Variants in CCR5AS observed in about 807,000 individuals in gnomAD.
The protein encoded by CCR5AS is CCR5 antisense RNA.
chr3:46,386,457 G>C (rs1701863529), intron 2 of CCR5AS, among the ~76,000 whole-genome samples: 1 of 152,154 alleles, frequency 6.6e-6, no homozygotes, highest in Admixed American at 6.5e-5. Context: ...TCAGAGAAGG[G>C]GCAGGAGGAA....
chr3:46,391,413 G>A (rs902736855), intron 2 of CCR5AS, among the ~76,000 whole-genome samples: 1 of 152,170 alleles, frequency 6.6e-6, no homozygotes, highest in Non-Finnish European at 1.5e-5. Flanking sequence ...TTGAGGGCTG[G>A]AATCTAATTT....
At chr3:46,404,421 ACCT>A (rs1429817657) in intron 1 of CCR5AS, among the ~76,000 whole-genome samples, 1 of 135,864 alleles carries the variant, frequency 7.4e-6, no homozygotes, top group Non-Finnish European at 1.5e-5. Context: ...GGCAACCTCC[ACCT>A]CCTGGGTTCG....
At chr3:46,368,124 G>A (rs1701617703) in intron 3 of CCR5AS, among the ~76,000 whole-genome samples, 1 of 152,152 alleles carries the variant, frequency 6.6e-6, no homozygotes, top group African/African-American at 2.4e-5. Flanking sequence ...AGACAGCAAA[G>A]CAATGCTTGG....
At chr3:46,401,988 A>G (rs539220392) in intron 1 of CCR5AS, among the ~76,000 whole-genome samples, 9 of 152,252 alleles carry the variant, frequency 5.9e-5, no homozygotes, top group African/African-American at 2.2e-4. Flanking sequence ...CATAATGCCT[A>G]TTAGTATATG....
intron 2 of CCR5AS, among the ~76,000 whole-genome samples, chr3:46,383,629 T>A (rs546103014): frequency 1.3e-5 from 2 of 152,050 alleles, no homozygotes; most frequent in Non-Finnish European, 2.9e-5. Flanking sequence ...AGGCCAGGGA[T>A]GGCCAGGGGT....
chr3:46,373,807 A>C, intron 2 of CCR5AS: 1 of 1,613,996 alleles, frequency 6.2e-7, no homozygotes, highest in Non-Finnish European at 8.5e-7. Context: ...TTTGTCGGGG[A>C]GAAGTTCAGA....
intron 2 of CCR5AS, among the ~76,000 whole-genome samples, chr3:46,380,942 G>T (rs1701809977): frequency 6.6e-6 from 1 of 152,204 alleles, no homozygotes. Context: ...ACTTTGCCTG[G>T]CCTGGGGTGG....
chr3:46,401,097 G>C (rs1357788236), intron 1 of CCR5AS, among the ~76,000 whole-genome samples: 1 of 152,208 alleles, frequency 6.6e-6, no homozygotes, highest in African/African-American at 2.4e-5. Flanking sequence ...GATTAGGGCA[G>C]AGGAAGCACA....
At chr3:46,406,139 T>C (rs1702044802) in intron 1 of CCR5AS, among the ~76,000 whole-genome samples, 2 of 152,174 alleles carry the variant, frequency 1.3e-5, no homozygotes, top group Admixed American at 6.5e-5. Context: ...TACTTCTGAG[T>C]AGCTGGGGCT....
chr3:46,395,894 G>A (rs545045936), intron 1 of CCR5AS, among the ~76,000 whole-genome samples: 3 of 152,278 alleles, frequency 2.0e-5, no homozygotes, highest in East Asian at 1.9e-4. Context: ...GATGGGAACC[G>A]TGGACTCTGT....
intron 1 of CCR5AS, among the ~76,000 whole-genome samples, chr3:46,404,487 G>A (rs576197396): frequency 4.0e-5 from 6 of 151,802 alleles, no homozygotes; most frequent in African/African-American, 1.2e-4. Flanking sequence ...GGCACCCATC[G>A]CCACCCCTCC....
chr3:46,391,772 G>A (rs959046794), intron 2 of CCR5AS, among the ~76,000 whole-genome samples: 2 of 152,168 alleles, frequency 1.3e-5, no homozygotes, highest in Admixed American at 1.3e-4. Flanking sequence ...TTATAGGGTA[G>A]GGGAGCAGAG....
chr3:46,406,521 C>A (rs1325608410), intron 1 of CCR5AS, among the ~76,000 whole-genome samples: 1 of 152,004 alleles, frequency 6.6e-6, no homozygotes, highest in Non-Finnish European at 1.5e-5. Context: ...GGACTCAAAC[C>A]TACCCTAGCC....
intron 2 of CCR5AS, among the ~76,000 whole-genome samples, chr3:46,386,208 AC>A (rs1701860814): frequency 6.6e-6 from 1 of 151,980 alleles, no homozygotes; most frequent in South Asian, 2.1e-4. Flanking sequence ...GAGCCACCCC[AC>A]CCGACCACAC....
chr3:46,372,760 G>T, intron 2 of CCR5AS: 1 of 628,734 alleles, frequency 1.6e-6, no homozygotes, highest in East Asian at 2.7e-5. Flanking sequence ...TGGCCAAAAA[G>T]AGAGTTAATT....
At chr3:46,399,824 G>A (rs1281705985) in intron 1 of CCR5AS, among the ~76,000 whole-genome samples, 1 of 152,166 alleles carries the variant, frequency 6.6e-6, no homozygotes, top group Non-Finnish European at 1.5e-5. Context: ...CGGGGGTGAA[G>A]AGACTGGAAG....
intron 2 of CCR5AS, among the ~76,000 whole-genome samples, chr3:46,390,668 A>C (rs1701903789): frequency 6.6e-6 from 1 of 152,150 alleles, no homozygotes; most frequent in South Asian, 2.1e-4. Context: ...GTTGGGTAAA[A>C]GTGCAGCAAA....
chr3:46,375,305 T>C (rs1486251240), intron 2 of CCR5AS: 1 of 167,044 alleles, frequency 6.0e-6, no homozygotes, highest in Non-Finnish European at 1.5e-5. Context: ...ACACATGAGA[T>C]CTAGGTGAGG....
chr3:46,374,392 TA>T (rs1701723472), intron 2 of CCR5AS: 1 of 169,870 alleles, frequency 5.9e-6, no homozygotes, highest in African/African-American at 2.4e-5. Flanking sequence ...TAAATGTGTT[TA>T]AAACAGGTCT....
Sources: gnomAD v4.1 joint callset for allele counts (sites outside exome capture counted in the v4.1 genomes callset) on GRCh38, gnomAD v4.1.1 for gene constraint, MANE v1.5 for transcripts, NCBI Gene and HGNC (gene_info 2026-07-23, HGNC 2026-07-21) for gene names.